The following COMMD7 variants were observed in gnomAD, a reference collection of about 807,000 sequenced individuals.
The protein encoded by COMMD7 is COMM domain containing 7, also known as COMM domain-containing protein 7.
COMMD7 carries 28 observed loss-of-function variants against 34.8 expected under a neutral mutation model. The ratio of observed to expected loss-of-function variants is 0.80; its 90% CI spans 0.60 to 1.10. The LOEUF (loss-of-function observed/expected upper bound fraction) is 1.10. COMMD7 is among the 50% of genes least tolerant of loss of function. COMMD7 has a pLI of 0.00. For missense variants in COMMD7, 211 were observed against 241.6 expected (o/e 0.87, Z 0.84); for synonymous variants, 80 against 86.4 (o/e 0.93, Z 0.41).
intron 3 of COMMD7, among the ~76,000 whole-genome samples, chr20:32,720,419 C>T (rs1339043808): frequency 2.0e-5 from 3 of 152,136 alleles, no homozygotes; most frequent in South Asian, 2.1e-4. Context: ...CGCTTGAACC[C>T]GGGAAGCAGA....
At chr20:32,706,198 CAA>C (rs750061575) in intron 5 of COMMD7, among the ~76,000 whole-genome samples, 39 of 106,198 alleles carry the variant, frequency 3.7e-4, no homozygotes, top group Non-Finnish European at 3.2e-4. Context: ...AACTCTGTCT[CAA>C]AAAAAAAAAA....
At position 32,743,242 on chromosome 20, in the gene COMMD7, C is replaced by G. The variant is rs548224206; in HGVS notation, c.84+66G>C. On this transcript the variant is annotated intron_variant, in intron 1 of 8. Transcript: ENST00000278980. ...CTCCCGCGCACCCCCGGACGTCCCC[C>G]CCACCCCAGGCCCGGATCCTGGAAT... 2.2e-5 allele frequency: 19 copies of G among 881,430 alleles called. 2 individuals carry two copies. Among genetic ancestry groups the G allele is most frequent in the Middle Eastern group, 3.5e-4 (1 of 2,878 alleles). 54.6% of individuals were successfully genotyped at this position (881,430 alleles called of 1,614,324 possible).
At chr20:32,715,636 G>A (rs1984735241) in intron 3 of COMMD7, among the ~76,000 whole-genome samples, 1 of 150,720 alleles carries the variant, frequency 6.6e-6, no homozygotes, top group Non-Finnish European at 1.5e-5. Context: ...GCGAAACCCT[G>A]TCTCTACCAA....
At position 32,722,720 on chromosome 20, in the gene COMMD7, G is replaced by GA. The variant is rs72491024; in HGVS notation, c.241+5172dup. ...GCCTGGGTGACAGAGTGAGACTCAG[G>GA]AAAAAAAAAAAAAAGACTTGGCCGA... On this transcript the variant is annotated intron_variant, in intron 3 of 8. Coordinates refer to ENST00000278980, the MANE Select transcript of COMMD7 (RefSeq NM_053041.3). 2.3e-3 allele frequency among the ~76,000 whole-genome samples: 256 copies of GA among 113,080 alleles called. 1 individual carries two copies. The highest frequency in any genetic ancestry group is 8.1e-3 in the East Asian group (31 of 3,822). The allele number at this position is 113,080 out of a possible 152,430, so 74.2% of individuals were successfully genotyped here.
rs149359857 is a variant in COMMD7 at position 32,712,465 on chromosome 20, G to A, written c.242-5705C>T. On this transcript the variant is annotated intron_variant, in intron 3 of 8. Coordinates refer to ENST00000278980, the MANE Select transcript of COMMD7 (RefSeq NM_053041.3). ...AGAGGTTGAAGTGAGCCAAGATCGC[G>A]CCACTGCACTCTAGCCTGGTGACAG... is the stretch of plus-strand genomic sequence containing the variant. 3.6e-4 allele frequency among the ~76,000 whole-genome samples: 54 copies of A among 150,628 alleles called. 1 individual carries two copies. In the East Asian group the frequency reaches 8.3e-3, roughly 23 times the overall value.
rs1986558746 is a variant in COMMD7, at chr20:32,743,464, C to A, written c.-73G>T. On this transcript the variant is annotated 5_prime_UTR_variant, in exon 1 of 9. Transcript: ENST00000278980. Reference sequence around the variant, plus strand: ...CAGCTTCCTCCTCCGCTGCCGCTGCCACCGCTGCCGGCCTCTCCGCGCATC... The same window carrying A: ...CAGCTTCCTCCTCCGCTGCCGCTGCAACCGCTGCCGGCCTCTCCGCGCATC... 6.2e-6 allele frequency: 7 copies of A among 1,121,402 alleles called. No homozygotes were observed. In the South Asian group the frequency reaches 1.9e-4, roughly 30 times the overall value. The allele number at this position is 1,121,402 out of a possible 1,614,324, so 69.5% of individuals were successfully genotyped here. A position where few individuals can be genotyped will look rare whatever the true frequency, so the allele number is the denominator to read the frequency against.
At chr20:32,709,780 C>T (rs1218326964) in intron 3 of COMMD7, among the ~76,000 whole-genome samples, 19 of 152,174 alleles carry the variant, frequency 1.2e-4, no homozygotes, top group Admixed American at 1.2e-3. Flanking sequence ...TTTGCCCTTG[C>T]AGTTCTCTGC....
intron 1 of COMMD7, among the ~76,000 whole-genome samples, chr20:32,739,370 G>A (rs551050601): frequency 6.6e-6 from 1 of 152,290 alleles, no homozygotes; most frequent in African/African-American, 2.4e-5. Context: ...CATAAGCTGG[G>A]CGCGGTGTCT....
intron 1 of COMMD7, among the ~76,000 whole-genome samples, chr20:32,733,829 G>A (rs1178231546): frequency 6.6e-6 from 1 of 150,660 alleles, no homozygotes; most frequent in Non-Finnish European, 1.5e-5. Flanking sequence ...AGGTTGCAGT[G>A]AGCCGAGATT....
At chr20:32,721,896 C>CA (rs34241116) in intron 3 of COMMD7, among the ~76,000 whole-genome samples, 45 of 138,968 alleles carry the variant, frequency 3.2e-4, no homozygotes, top group East Asian at 1.3e-3. Context: ...GACGTTGTCT[C>CA]AAAAAAAAAA....
chr20:32,709,286 T>G (rs1198957109), intron 3 of COMMD7, among the ~76,000 whole-genome samples: 1 of 151,752 alleles, frequency 6.6e-6, no homozygotes, highest in East Asian at 2.0e-4. Context: ...AGTACAAAAA[T>G]TAGCCGGGTG....
At chr20:32,726,659 C>T (rs1002086624) in intron 3 of COMMD7, among the ~76,000 whole-genome samples, 13 of 152,190 alleles carry the variant, frequency 8.5e-5, no homozygotes, top group South Asian at 2.1e-4. Context: ...GCCAAGACCA[C>T]GCCATTGCAC....
chr20:32,704,987 G>T, intron 5 of COMMD7, 83 bp from the exon 6 acceptor site: 1 of 994,786 alleles, frequency 1.0e-6, no homozygotes, highest in Non-Finnish European at 1.6e-6. Context: ...GCAATATTTA[G>T]CATTGACACA....
chr20:32,704,577 G>A, intron 6 of COMMD7, 88 bp from the exon 7 acceptor site: 1 of 1,432,294 alleles, frequency 7.0e-7, no homozygotes, highest in Non-Finnish European at 9.6e-7. Flanking sequence ...CAGTTTTGCA[G>A]CTGTCCAGCA....
In COMMD7 at chr20:32,711,312, G is replaced by A. The variant is rs1302158728; in HGVS notation, c.242-4552C>T. 4.7e-5 allele frequency among the ~76,000 whole-genome samples: 7 copies of A among 150,464 alleles called. No homozygotes were observed. The East Asian group carries it at 9.8e-4, about 21-fold the overall frequency. On this transcript the variant is annotated intron_variant, in intron 3 of 8. Coordinates refer to ENST00000278980, the MANE Select transcript of COMMD7 (RefSeq NM_053041.3). ...CTTGGGAGGCTGAGGTAGGAGAATC[G>A]CTTAAACCTGGGAGGCAGAGGTTGC...
intron 1 of COMMD7, among the ~76,000 whole-genome samples, 184 bp from the exon 2 acceptor site, chr20:32,728,326 G>A (rs778694525): frequency 4.6e-5 from 7 of 151,902 alleles, no homozygotes; most frequent in Admixed American, 6.6e-5. Context: ...TACCTGTGTC[G>A]CTACATCATC....
At chr20:32,718,456 TGAGA>T (rs1984948006) in intron 3 of COMMD7, among the ~76,000 whole-genome samples, 2 of 150,814 alleles carry the variant, frequency 1.3e-5, no homozygotes, top group South Asian at 4.2e-4. Flanking sequence ...CACAGCACTT[TGAGA>T]GGCCAAGGCG....
At chr20:32,734,850 G>A (rs1986052314) in intron 1 of COMMD7, among the ~76,000 whole-genome samples, 1 of 152,078 alleles carries the variant, frequency 6.6e-6, no homozygotes, top group Non-Finnish European at 1.5e-5. Context: ...CTTAAACCCA[G>A]GAGGCAAAGG....
At chr20:32,727,498 T>C (rs1428347615) in intron 3 of COMMD7, among the ~76,000 whole-genome samples, 1 of 143,956 alleles carries the variant, frequency 6.9e-6, no homozygotes, top group Non-Finnish European at 1.5e-5. Flanking sequence ...ATTGCACCAC[T>C]GCACTTCAGC....
Sources: allele counts gnomAD v4.1 joint callset (sites outside exome capture counted in the v4.1 genomes callset), GRCh38; gene constraint gnomAD v4.1.1; transcripts MANE v1.5; gene names NCBI Gene and HGNC (gene_info 2026-07-23, HGNC 2026-07-21).